Variants in FHOD3 observed in about 807,000 individuals in gnomAD.
FHOD3 encodes the protein FH1/FH2 domain-containing protein 3.
FHOD3 carries 90 observed loss-of-function variants against 173.0 expected under a neutral mutation model. That is an observed-to-expected ratio of 0.52 (90% CI 0.44 to 0.62). The LOEUF is 0.62. Ranked by LOEUF, FHOD3 falls within the 20% of genes least tolerant of loss-of-function variation. FHOD3 has a pLI of 0.00. For synonymous variants in FHOD3, 828 were observed against 823.0 expected (o/e 1.01, Z -0.10); for missense variants, 1,945 against 2,034.7 (o/e 0.96, Z 0.85).
At chr18:36,618,772 T>C (rs1323618035) in intron 9 of FHOD3, among the ~76,000 whole-genome samples, 1 of 152,184 alleles carries the variant, frequency 6.6e-6, no homozygotes, top group Non-Finnish European at 1.5e-5. Flanking sequence ...TGTTGTAAGC[T>C]GTGTTTGTCA....
intron 3 of FHOD3, among the ~76,000 whole-genome samples, chr18:36,417,401 G>A (rs907503925): frequency 7.2e-5 from 11 of 152,052 alleles, no homozygotes; most frequent in Non-Finnish European, 1.2e-4. Context: ...ACATGATCTC[G>A]TTCTTTATTA....
At chr18:36,350,114 C>T (rs1018296050) in intron 1 of FHOD3, among the ~76,000 whole-genome samples, 2 of 152,204 alleles carry the variant, frequency 1.3e-5, no homozygotes, top group African/African-American at 4.8e-5. Context: ...TTTGCTGGAA[C>T]AGTCAAAAGA....
chr18:36,653,769 A>C (rs528476322), intron 13 of FHOD3, among the ~76,000 whole-genome samples: 1 of 152,220 alleles, frequency 6.6e-6, no homozygotes, highest in African/African-American at 2.4e-5. Flanking sequence ...AAAAATCAAT[A>C]GTTGATCATT....
rs1450134905 is a variant in FHOD3, at chr18:36,318,027, AG to A, written c.165+20028del. Among the ~76,000 whole-genome samples, 12 of 152,244 alleles carry A rather than the reference AG, an allele frequency of 7.9e-5. No homozygotes were observed. In the South Asian group the frequency reaches 8.3e-4, roughly 11 times the overall value. ...GTTTTTGTCAGGTTTGTCAAAGATC[AG>A]ATTCTAGATGTGTGGTGTTATTTCT... On this transcript the variant is annotated intron_variant, in intron 1 of 28. Coordinates refer to ENST00000590592, the MANE Select transcript of FHOD3 (RefSeq NM_001281740.3).
intron 5 of FHOD3, among the ~76,000 whole-genome samples, chr18:36,568,281 C>T (rs951958854): frequency 1.1e-4 from 14 of 122,356 alleles, no homozygotes; most frequent in African/African-American, 3.6e-4. Context: ...GAGTTTGCAG[C>T]GAACTGAGAT....
intron 3 of FHOD3, among the ~76,000 whole-genome samples, chr18:36,465,050 G>A (rs2052827575): frequency 6.6e-6 from 1 of 152,152 alleles, no homozygotes; most frequent in African/African-American, 2.4e-5. Flanking sequence ...AGACATGGCT[G>A]GGCGCTGTGG....
chr18:36,447,720 C>T (rs6507170), intron 3 of FHOD3, among the ~76,000 whole-genome samples: 12 of 152,056 alleles, frequency 7.9e-5, no homozygotes, highest in African/African-American at 2.7e-4. Context: ...TGAAAGCAAC[C>T]GTAATGTTTA....
chr18:36,644,321 CAG>C (rs1419702703), intron 10 of FHOD3, among the ~76,000 whole-genome samples: 1 of 152,210 alleles, frequency 6.6e-6, no homozygotes, highest in African/African-American at 2.4e-5. Flanking sequence ...GCAAAGTTGT[CAG>C]AATTAATTAT....
At chr18:36,611,930 G>A (rs1568492366) in intron 8 of FHOD3, 22 bp from the exon 9 acceptor site, 2 of 1,609,312 alleles carry the variant, frequency 1.2e-6, no homozygotes, top group South Asian at 1.1e-5. Flanking sequence ...TGTCTCTGTA[G>A]CTGGTTCTTC....
chr18:36,561,166 C>G (rs12955561), intron 5 of FHOD3, among the ~76,000 whole-genome samples: 17,049 of 152,088 alleles, frequency 0.11, 1,216 homozygotes, highest in East Asian at 0.4. Context: ...ATGAGAAATG[C>G]TTATATAATT....
chr18:36,704,901 C>A (rs2149617629), intron 17 of FHOD3, among the ~76,000 whole-genome samples: 1 of 152,306 alleles, frequency 6.6e-6, no homozygotes, highest in African/African-American at 2.4e-5. Context: ...GAGTCTCAGT[C>A]CCTTACCCAT....
intron 3 of FHOD3, among the ~76,000 whole-genome samples, chr18:36,493,218 T>TC (rs1237425594): frequency 1.3e-5 from 2 of 151,002 alleles, no homozygotes; most frequent in Non-Finnish European, 3.0e-5. Flanking sequence ...TTTTTCTTTT[T>TC]TTTTTTTTTT....
rs1244142575 is a variant in FHOD3, at chr18:36,359,347, CAGAGA to C, written c.272+3707_272+3711del. The stretch of plus-strand genomic sequence containing the variant: ...AATTATCACTCAGGCTCTAGCTAGT[CAGAGA>C]AGAGGAGAAAGACCTTCAAAAGTAG... On this transcript the variant is annotated intron_variant, in intron 2 of 28. Transcript: ENST00000590592. Among the ~76,000 whole-genome samples, 23 of 152,148 alleles carry C rather than the reference CAGAGA, an allele frequency of 1.5e-4. 1 individual carries two copies. The highest frequency in any genetic ancestry group is 5.9e-4 in the Admixed American group (9 of 15,270).
intron 20 of FHOD3, among the ~76,000 whole-genome samples, chr18:36,735,048 T>G (rs180991449): frequency 2.6e-5 from 4 of 152,280 alleles, no homozygotes. Flanking sequence ...CCAAGTAAAA[T>G]GGCATCAAAT....
At chr18:36,368,269 A>G (rs1222725088) in intron 2 of FHOD3, among the ~76,000 whole-genome samples, 3 of 152,154 alleles carry the variant, frequency 2.0e-5, no homozygotes, top group Admixed American at 1.3e-4. Flanking sequence ...AAAGCTCCAT[A>G]TACTTTGTGC....
At chr18:36,417,647 A>T (rs965686016) in intron 3 of FHOD3, among the ~76,000 whole-genome samples, 5 of 152,186 alleles carry the variant, frequency 3.3e-5, no homozygotes, top group African/African-American at 1.2e-4. Context: ...ATTTCATGAG[A>T]TCATATACCT....
chr18:36,460,047 G>T (rs974850620), intron 3 of FHOD3, among the ~76,000 whole-genome samples: 6 of 152,182 alleles, frequency 3.9e-5, no homozygotes, highest in Admixed American at 1.3e-4. Flanking sequence ...TTTGTCTCAT[G>T]TCTTTCTCAT....
chr18:36,627,039 A>C (rs1427331752), intron 10 of FHOD3, among the ~76,000 whole-genome samples: 7 of 152,190 alleles, frequency 4.6e-5, no homozygotes, highest in Admixed American at 4.6e-4. Flanking sequence ...TGTTTCTGAG[A>C]GTCTGTGTAC....
At chr18:36,623,611 TG>T (rs1239163475) in intron 9 of FHOD3, among the ~76,000 whole-genome samples, 11 of 152,232 alleles carry the variant, frequency 7.2e-5, no homozygotes, top group Non-Finnish European at 1.5e-4. Context: ...AATGAGATTT[TG>T]TAAAGATAGA....
Sources: allele counts gnomAD v4.1 joint callset (sites outside exome capture counted in the v4.1 genomes callset), GRCh38; gene constraint gnomAD v4.1.1; transcripts MANE v1.5; gene names NCBI Gene and HGNC (gene_info 2026-07-23, HGNC 2026-07-21).